CXCL13: variants seen among roughly 807,000 people sequenced by gnomAD.
CXCL13 encodes C-X-C motif chemokine ligand 13.
A neutral mutation model predicts 12.2 loss-of-function variants in CXCL13; 7 were observed. The observed-to-expected ratio is 0.57, with a 90% confidence interval of 0.33 to 1.07. The LOEUF (loss-of-function observed/expected upper bound fraction) is 1.07, where lower values mean the gene tolerates loss of function less well. Ranked by LOEUF, CXCL13 falls within the 50% of genes least tolerant of loss-of-function variation. The pLI, the probability that CXCL13 is intolerant of heterozygous loss-of-function variation, is 0.04. For synonymous variants in CXCL13, 47 were observed against 42.4 expected (o/e 1.11, Z -0.42); for missense variants, 113 against 127.4 (o/e 0.89, Z 0.55).
chr4:77,543,515 AT>A (rs1725257621), intron 1 of CXCL13, among the ~76,000 whole-genome samples: 1 of 151,924 alleles, frequency 6.6e-6, no homozygotes, highest in African/African-American at 2.4e-5. Context: ...TCCTCTTAAC[AT>A]TGCTTTTGCT....
intron 1 of CXCL13, among the ~76,000 whole-genome samples, chr4:77,566,649 A>T (rs1406337901): frequency 6.6e-6 from 1 of 151,980 alleles, no homozygotes; most frequent in Admixed American, 6.6e-5. Context: ...TGTTTCTCTT[A>T]GTAAGACATA....
At chr4:77,577,368 A>G (rs747496283) in intron 1 of CXCL13, among the ~76,000 whole-genome samples, 1 of 152,152 alleles carries the variant, frequency 6.6e-6, no homozygotes, top group Admixed American at 6.5e-5. Flanking sequence ...CCACCAAGAC[A>G]CATTTTTGGT....
chr4:77,540,583 G>C (rs1037076811), intron 1 of CXCL13, among the ~76,000 whole-genome samples: 2 of 152,054 alleles, frequency 1.3e-5, no homozygotes, highest in African/African-American at 4.8e-5. Context: ...TATGCATGTT[G>C]CTGCAAAGGC....
At chr4:77,520,910 G>T (rs916134906) in intron 1 of CXCL13, among the ~76,000 whole-genome samples, 4 of 152,134 alleles carry the variant, frequency 2.6e-5, no homozygotes, top group Non-Finnish European at 5.9e-5. Flanking sequence ...AGTTTATTGA[G>T]AGTTTTTAAG....
chr4:77,518,996 G>A (rs1275222748), intron 1 of CXCL13, among the ~76,000 whole-genome samples: 1 of 152,154 alleles, frequency 6.6e-6, no homozygotes, highest in African/African-American at 2.4e-5. Context: ...CTGTTTGTTA[G>A]TTTTCCTTCT....
chr4:77,534,527 G>A (rs760330249), intron 1 of CXCL13, among the ~76,000 whole-genome samples: 2 of 152,098 alleles, frequency 1.3e-5, no homozygotes, highest in African/African-American at 4.8e-5. Context: ...TGTGTCATTG[G>A]GAGAAACAGT....
chr4:77,605,458 T>TA (rs1726978873), upstream of CXCL13, among the ~76,000 whole-genome samples: 1 of 152,098 alleles, frequency 6.6e-6, no homozygotes, highest in Admixed American at 6.5e-5. Flanking sequence ...TCATGGAGTA[T>TA]ATATCTAATG....
intron 1 of CXCL13, among the ~76,000 whole-genome samples, chr4:77,591,819 A>G (rs1377015931): frequency 6.6e-6 from 1 of 152,240 alleles, no homozygotes; most frequent in Non-Finnish European, 1.5e-5. Flanking sequence ...GCCTGTGCAC[A>G]GTCACTGTGC....
chr4:77,517,113 G>A (rs1292955717), intron 1 of CXCL13, among the ~76,000 whole-genome samples: 1 of 151,980 alleles, frequency 6.6e-6, no homozygotes, highest in Non-Finnish European at 1.5e-5. Flanking sequence ...ATAGTTGAGT[G>A]GTTTTGAGTG....
intron 3 of CXCL13, 56 bp downstream of exon 3, chr4:77,610,750 T>C (rs1727126527): frequency 7.4e-7 from 1 of 1,343,324 alleles, no homozygotes; most frequent in Non-Finnish European, 1.1e-6. Flanking sequence ...AGAGTTTCCC[T>C]TTCCTGGGCA....
At chr4:77,560,326 C>T (rs1329816426) in intron 1 of CXCL13, among the ~76,000 whole-genome samples, 1 of 152,194 alleles carries the variant, frequency 6.6e-6, no homozygotes, top group Non-Finnish European at 1.5e-5. Flanking sequence ...ACTCCAAAGT[C>T]AATCTTAGTA....
intron 1 of CXCL13, among the ~76,000 whole-genome samples, chr4:77,596,785 CAA>C (rs1024280441): frequency 7.6e-4 from 49 of 64,784 alleles, no homozygotes; most frequent in African/African-American, 1.7e-3. Context: ...GACTCTGTCT[CAA>C]AAAAAAAAAA....
intron 1 of CXCL13, among the ~76,000 whole-genome samples, chr4:77,546,728 C>T (rs186486795): frequency 6.6e-6 from 1 of 152,218 alleles, no homozygotes; most frequent in East Asian, 1.9e-4. Context: ...GATTTTGTGT[C>T]TCTTATCTCC....
At chr4:77,596,799 A>AG (rs1328694715) in intron 1 of CXCL13, among the ~76,000 whole-genome samples, 17 of 151,782 alleles carry the variant, frequency 1.1e-4, no homozygotes, top group Non-Finnish European at 2.1e-4. Context: ...AAAAAAAAAA[A>AG]AAAAGAAAAG....
chr4:77,522,513 G>GTTTTTTTT (rs1724634803), intron 1 of CXCL13, among the ~76,000 whole-genome samples: 1 of 23,376 alleles, frequency 4.3e-5, no homozygotes, highest in African/African-American at 2.4e-4. Context: ...TGCAACCCCT[G>GTTTTTTTT]CTTTTTTTTT....
At chr4:77,536,680 T>A (rs575281257) in intron 1 of CXCL13, among the ~76,000 whole-genome samples, 64 of 152,320 alleles carry the variant, frequency 4.2e-4, no homozygotes, top group African/African-American at 1.5e-3. Context: ...AGAAGAAGAT[T>A]ACAAGGTGCA....
intron 1 of CXCL13, among the ~76,000 whole-genome samples, chr4:77,561,296 C>T (rs142249853): frequency 2.0e-5 from 3 of 152,278 alleles, no homozygotes; most frequent in Admixed American, 2.0e-4. Context: ...TCAGAATCTG[C>T]ATTCTAACAA....
At chr4:77,564,768 T>C (rs1408207912) in intron 1 of CXCL13, among the ~76,000 whole-genome samples, 1 of 152,152 alleles carries the variant, frequency 6.6e-6, no homozygotes, top group Non-Finnish European at 1.5e-5. Context: ...CCAAGTAAAA[T>C]GGCTCTCCAC....
chr4:77,570,054 G>C (rs1211867552), intron 1 of CXCL13, among the ~76,000 whole-genome samples: 2 of 152,124 alleles, frequency 1.3e-5, no homozygotes, highest in Non-Finnish European at 2.9e-5. Flanking sequence ...AATGGTACTG[G>C]GATAACTGGT....
Sources: gnomAD v4.1 joint callset for allele counts (sites outside exome capture counted in the v4.1 genomes callset) on GRCh38, gnomAD v4.1.1 for gene constraint, MANE v1.5 for transcripts, NCBI Gene and HGNC (gene_info 2026-07-23, HGNC 2026-07-21) for gene names.